DPYD: variants seen among roughly 807,000 people sequenced by gnomAD.
The protein encoded by DPYD is dihydropyrimidine dehydrogenase, also known as dihydropyrimidine dehydrogenase [NADP(+)].
In DPYD, 109 loss-of-function variants were observed where a neutral mutation model predicts 116.2. The observed-to-expected ratio is 0.94, with a 90% CI of 0.80 to 1.10. DPYD has a LOEUF of 1.10. DPYD is among the 50% of genes least tolerant of loss of function. The probability of loss-of-function intolerance (pLI) is 0.00; values close to 1 mark genes in which losing one functional copy is unlikely to be tolerated. For synonymous variants in DPYD, 440 were observed against 432.0 expected (o/e 1.02, Z -0.23); for missense variants, 1,302 against 1,254.5 (o/e 1.04, Z -0.57).
chr1:97,482,926 T>C (rs571518259), intron 13 of DPYD, among the ~76,000 whole-genome samples: 3 of 152,312 alleles, frequency 2.0e-5, no homozygotes, highest in East Asian at 1.9e-4. Context: ...TTTGTAGCTA[T>C]ATAAATATTG....
intron 12 of DPYD, among the ~76,000 whole-genome samples, chr1:97,544,540 C>T (rs1032961164): frequency 3.9e-5 from 6 of 152,006 alleles, no homozygotes; most frequent in African/African-American, 1.2e-4. Flanking sequence ...AGGTCTGTTT[C>T]TCTCCTTTCT....
chr1:97,818,328 T>C (rs1286506716), intron 3 of DPYD, among the ~76,000 whole-genome samples: 1 of 152,010 alleles, frequency 6.6e-6, no homozygotes, highest in African/African-American at 2.4e-5. Context: ...ATAATGTATT[T>C]CATAAATAAA....
At chr1:97,636,446 C>A (rs1657566847) in intron 8 of DPYD, among the ~76,000 whole-genome samples, 3 of 152,136 alleles carry the variant, frequency 2.0e-5, no homozygotes, top group Non-Finnish European at 4.4e-5. Flanking sequence ...TTTCCAATTT[C>A]ATGATCTTTA....
chr1:97,218,225 CCA>C (rs1379075394), intron 19 of DPYD, among the ~76,000 whole-genome samples: 5 of 151,986 alleles, frequency 3.3e-5, no homozygotes, highest in Non-Finnish European at 5.9e-5. Context: ...CATTAAAAGT[CCA>C]GAGTTCACTA....
intron 20 of DPYD, among the ~76,000 whole-genome samples, chr1:97,120,225 C>T (rs1397373359): frequency 6.6e-6 from 1 of 152,188 alleles, no homozygotes; most frequent in African/African-American, 2.4e-5. Context: ...AATAGCCTTG[C>T]AGAACCTTTG....
chr1:97,894,627 A>C (rs1229420147), intron 1 of DPYD, among the ~76,000 whole-genome samples: 1 of 151,688 alleles, frequency 6.6e-6, no homozygotes, highest in Non-Finnish European at 1.5e-5. Flanking sequence ...CTAGCTATTA[A>C]TTATATATCT....
intron 7 of DPYD, among the ~76,000 whole-genome samples, chr1:97,686,527 C>T (rs1476332681): frequency 4.7e-5 from 7 of 149,258 alleles, no homozygotes; most frequent in Non-Finnish European, 1.0e-4. Context: ...GTCCCAGCTA[C>T]TCGGGAGGCT....
intron 8 of DPYD, among the ~76,000 whole-genome samples, chr1:97,651,420 G>A (rs942030168): frequency 4.6e-5 from 7 of 151,964 alleles, no homozygotes; most frequent in African/African-American, 1.5e-4. Flanking sequence ...TACCTAAATC[G>A]GCAAGATACT....
chr1:97,745,307 G>C (rs1223272285), intron 3 of DPYD, among the ~76,000 whole-genome samples: 2 of 152,088 alleles, frequency 1.3e-5, no homozygotes, highest in African/African-American at 4.8e-5. Flanking sequence ...TGATGTTCAT[G>C]TTTTGAGGCT....
chr1:97,920,654 G>C (rs1051870470), intron 1 of DPYD, among the ~76,000 whole-genome samples: 1 of 152,164 alleles, frequency 6.6e-6, no homozygotes, highest in African/African-American at 2.4e-5. Flanking sequence ...AGGTCCCGAC[G>C]CAAAGGGCAA....
chr1:97,812,867 T>C (rs1424920079), intron 3 of DPYD, among the ~76,000 whole-genome samples: 1 of 152,124 alleles, frequency 6.6e-6, no homozygotes, highest in Non-Finnish European at 1.5e-5. Context: ...TATGGAAATA[T>C]GTGTGACAAA....
At chr1:97,278,299 C>T (rs541465471) in intron 18 of DPYD, among the ~76,000 whole-genome samples, 91 of 152,214 alleles carry the variant, frequency 6.0e-4, no homozygotes, top group African/African-American at 2.0e-3. Flanking sequence ...AAAAGTAATG[C>T]GCCAGTCTAT....
At chr1:97,155,949 G>A (rs1404642426) in intron 20 of DPYD, among the ~76,000 whole-genome samples, 2 of 152,104 alleles carry the variant, frequency 1.3e-5, no homozygotes, top group Non-Finnish European at 2.9e-5. Context: ...TGCAGATTGT[G>A]ATTCCATAGC....
At chr1:97,781,729 C>T (rs1666759499) in intron 3 of DPYD, among the ~76,000 whole-genome samples, 1 of 152,092 alleles carries the variant, frequency 6.6e-6, no homozygotes, top group South Asian at 2.1e-4. Flanking sequence ...CATTATTTAC[C>T]TATCTTCTAA....
intron 19 of DPYD, among the ~76,000 whole-genome samples, chr1:97,229,546 GTATATATATATATATATATATATATATA>G (rs55638142): frequency 1.2e-4 from 7 of 58,168 alleles, no homozygotes; most frequent in South Asian, 5.4e-4. Flanking sequence ...ACCATCCTAA[GTATATATATATATATATATATATATATA>G]TATATATATA....
At chr1:97,477,268 A>G (rs867193887) in intron 13 of DPYD, among the ~76,000 whole-genome samples, 1 of 152,248 alleles carries the variant, frequency 6.6e-6, no homozygotes, top group South Asian at 2.1e-4. Flanking sequence ...TTCTATCTCA[A>G]TAAACTACTT....
intron 19 of DPYD, among the ~76,000 whole-genome samples, chr1:97,210,514 C>T (rs951223888): frequency 5.9e-5 from 9 of 152,138 alleles, no homozygotes; most frequent in African/African-American, 1.9e-4. Context: ...CCCTTAGCAT[C>T]TGTCCACAAG....
intron 18 of DPYD, chr1:97,295,487 T>C (rs1666469824): frequency 6.6e-6 from 1 of 151,858 alleles, no homozygotes; most frequent in South Asian, 2.1e-4. Context: ...CTGGAGTGCA[T>C]GGGCGCAATC....
At chr1:97,359,172 G>A (rs1670585004) in intron 16 of DPYD, among the ~76,000 whole-genome samples, 1 of 152,090 alleles carries the variant, frequency 6.6e-6, no homozygotes, top group Non-Finnish European at 1.5e-5. Flanking sequence ...ACATGCACAA[G>A]CTTCAATAGC....
Sources: allele counts gnomAD v4.1 joint callset (sites outside exome capture counted in the v4.1 genomes callset), GRCh38; gene constraint gnomAD v4.1.1; transcripts MANE v1.5; gene names NCBI Gene and HGNC (gene_info 2026-07-23, HGNC 2026-07-21).